Variants in NRF1 observed in about 807,000 individuals in gnomAD.
The protein encoded by NRF1 is nuclear respiratory factor 1, also known as alpha palindromic-binding protein.
NRF1 carries 5 observed loss-of-function variants against 58.5 expected under a neutral mutation model. The ratio of observed to expected loss-of-function variants is 0.09; its 90% confidence interval spans 0.04 to 0.18. The LOEUF is 0.18. NRF1 is among the 10% of genes least tolerant of loss of function. The pLI is 1.00. For synonymous variants in NRF1, 224 were observed against 246.7 expected, an observed-to-expected ratio of 0.91 and a Z score of 0.86; for missense variants, 288 against 657.7, an observed-to-expected ratio of 0.44 and a Z score of 6.15.
chr7:129,683,589 C>A (rs1802378195), intron 4 of NRF1, among the ~76,000 whole-genome samples: 1 of 149,648 alleles, frequency 6.7e-6, no homozygotes, highest in African/African-American at 2.5e-5. Context: ...CTCGGCTTCC[C>A]AAAGTGCTGC....
chr7:129,665,434 A>G (rs934175159), intron 2 of NRF1, among the ~76,000 whole-genome samples: 3 of 152,354 alleles, frequency 2.0e-5, no homozygotes, highest in Admixed American at 1.3e-4. Flanking sequence ...ACCATTCACT[A>G]TATTGTGTTG....
chr7:129,714,530 A>T (rs1240813734), intron 8 of NRF1, among the ~76,000 whole-genome samples: 1 of 152,180 alleles, frequency 6.6e-6, no homozygotes, highest in East Asian at 1.9e-4. Context: ...CTTGCCTCTT[A>T]TGGTGGCAGT....
chr7:129,613,186 C>T (rs987565236), intron 1 of NRF1, among the ~76,000 whole-genome samples: 1 of 152,144 alleles, frequency 6.6e-6, no homozygotes, highest in Admixed American at 6.5e-5. Flanking sequence ...CACAGTGATC[C>T]TTTTTCCCAT....
At chr7:129,727,148 A>G (rs1015632866) in intron 9 of NRF1, 93 bp from the exon 10 acceptor site, 2 of 1,353,064 alleles carry the variant, frequency 1.5e-6, no homozygotes, top group Non-Finnish European at 2.0e-6. Context: ...GAGTCAGTAG[A>G]AAGACCCAAG....
rs766574860 is a variant in NRF1 at position 129,741,733 on chromosome 7, A to G, written c.1349-13285A>G. Among the ~76,000 whole-genome samples the G allele has an allele frequency of 2.0e-5, 3 of 152,130 alleles. No individual in the cohort carries two copies. The highest frequency in any genetic ancestry group is 2.9e-5 in the Non-Finnish European group (2 of 68,022). ...TAGGATTTTGAAGGAATGCCAGTGC[A>G]CTGTTATTAACTCTAATAGCTTGTC... is the stretch of plus-strand genomic sequence containing the variant. On this transcript the variant is annotated intron_variant, in intron 10 of 10. Coordinates refer to ENST00000393232, the MANE Select transcript of NRF1 (RefSeq NM_005011.5). The surrounding 1 kb of genome is among the most constrained non-coding windows in gnomAD (Gnocchi z 4.0).
intron 9 of NRF1, among the ~76,000 whole-genome samples, chr7:129,726,077 T>C (rs999660066): frequency 6.6e-6 from 1 of 152,224 alleles, no homozygotes; most frequent in African/African-American, 2.4e-5. Context: ...ACAAGACCAC[T>C]GCCATGTTAC....
intron 10 of NRF1, among the ~76,000 whole-genome samples, chr7:129,731,822 G>A (rs543924934): frequency 6.6e-6 from 1 of 152,176 alleles, no homozygotes; most frequent in Admixed American, 6.5e-5. Flanking sequence ...TTGTTGCCCA[G>A]GCTGGTCTCA....
chr7:129,657,316 C>T (rs370198801), intron 1 of NRF1, 30 bp from the exon 2 acceptor site: 5 of 1,468,134 alleles, frequency 3.4e-6, no homozygotes, highest in African/African-American at 2.8e-5. Flanking sequence ...ACACTGAATC[C>T]TGTTCTTTTT....
At chr7:129,659,854 T>A (rs1801742553) in intron 2 of NRF1, among the ~76,000 whole-genome samples, 1 of 152,192 alleles carries the variant, frequency 6.6e-6, no homozygotes, top group African/African-American at 2.4e-5. Context: ...GTATGTATCA[T>A]CTTTCTGTGT....
At chr7:129,650,967 C>A (rs955248808) in intron 1 of NRF1, among the ~76,000 whole-genome samples, 1 of 152,126 alleles carries the variant, frequency 6.6e-6, no homozygotes, top group Non-Finnish European at 1.5e-5. Flanking sequence ...TGATGTCCAG[C>A]AATATGTCAT....
intron 10 of NRF1, among the ~76,000 whole-genome samples, chr7:129,746,770 C>T (rs995884869): frequency 5.9e-5 from 9 of 152,282 alleles, no homozygotes; most frequent in East Asian, 1.9e-4. Context: ...GAAGGCATTA[C>T]GTAATGTAAA....
chr7:129,619,396 GTATATATATATATATATATATA>G (rs749333673), intron 1 of NRF1, among the ~76,000 whole-genome samples: 7 of 47,366 alleles, frequency 1.5e-4, no homozygotes, highest in South Asian at 1.1e-3. Context: ...TGGCATACGT[GTATATATATATATATATATATA>G]TATATATATA....
intron 1 of NRF1, among the ~76,000 whole-genome samples, chr7:129,648,680 A>C (rs375149828): frequency 1.3e-5 from 2 of 152,208 alleles, no homozygotes; most frequent in Admixed American, 1.3e-4. Context: ...ATCTCCTGCT[A>C]ATAATGTCTC....
chr7:129,634,972 A>T, intron 1 of NRF1, among the ~76,000 whole-genome samples: 1 of 151,490 alleles, frequency 6.6e-6, no homozygotes, highest in African/African-American at 2.4e-5. Flanking sequence ...TTCTTTATCT[A>T]TTTTTTTCCT....
At chr7:129,720,076 C>G (rs1331450209) in intron 9 of NRF1, among the ~76,000 whole-genome samples, 1 of 152,096 alleles carries the variant, frequency 6.6e-6, no homozygotes, top group African/African-American at 2.4e-5. Context: ...TGAGGTGGCT[C>G]AGTGTTTACT....
Position 129,710,581 on chromosome 7 carries a change from C to T in NRF1, c.963+10C>T. ...TGTCTCACTTATCCAGGTGAGTAAA[C>T]CTGAGGGCTACCAGACTGTGGCTTC... is the stretch of plus-strand genomic sequence containing the variant. On this transcript the variant is annotated intron_variant, in intron 7 of 10. Coordinates refer to ENST00000393232, the MANE Select transcript of NRF1 (RefSeq NM_005011.5). 1 of 1,370,012 alleles carries T rather than the reference C, an allele frequency of 7.3e-7. No homozygotes were observed. Among genetic ancestry groups the T allele is most frequent in the Non-Finnish European group, 1.0e-6 (1 of 957,318 alleles). The allele number at this position is 1,370,012 out of a possible 1,614,324, so 84.9% of individuals were successfully genotyped here.
chr7:129,702,784 T>G (rs1802856292), intron 5 of NRF1, among the ~76,000 whole-genome samples: 1 of 152,166 alleles, frequency 6.6e-6, no homozygotes, highest in Non-Finnish European at 1.5e-5. Context: ...CTCTTTAAAT[T>G]TATTATGTAT....
intron 10 of NRF1, among the ~76,000 whole-genome samples, chr7:129,732,901 T>A (rs1437328098): frequency 1.3e-5 from 2 of 151,992 alleles, no homozygotes; most frequent in Non-Finnish European, 2.9e-5. Context: ...TCAAACCCCA[T>A]CTCTACTAAA....
In NRF1 at chr7:129,709,029, C is replaced by G. The variant is rs748789379; in HGVS notation, c.607-46C>G. 1.6e-5 allele frequency: 22 copies of G among 1,382,042 alleles called. No individual in the cohort carries two copies. In the Middle Eastern group the frequency reaches 5.8e-4, roughly 37 times the overall value. The allele number at this position is 1,382,042 out of a possible 1,614,324, so 85.6% of individuals were successfully genotyped here. A position where few individuals can be genotyped will look rare whatever the true frequency, so the allele number is the denominator to read the frequency against. Reference sequence around the variant, plus strand: ...GAATTTAAGGAGTCATAAACACACCCCAGATGTCTTTCATGAGTATTGATG... The same window carrying G: ...GAATTTAAGGAGTCATAAACACACCGCAGATGTCTTTCATGAGTATTGATG... On this transcript the variant is annotated intron_variant, in intron 5 of 10. Transcript: ENST00000393232.
Sources: gnomAD v4.1 joint callset for allele counts (sites outside exome capture counted in the v4.1 genomes callset) on GRCh38, gnomAD v4.1.1 for gene constraint, Gnocchi (gnomAD v3.1) non-coding constraint, MANE v1.5 for transcripts, NCBI Gene and HGNC (gene_info 2026-07-23, HGNC 2026-07-21) for gene names.